FOXF1: variants seen among roughly 807,000 people sequenced by gnomAD.
FOXF1 encodes the protein forkhead box F1, also known as forkhead box protein F1.
A neutral mutation model predicts 26.6 loss-of-function variants in FOXF1; 9 were observed. That is an observed-to-expected ratio of 0.34 (90% CI 0.20 to 0.59). The LOEUF (loss-of-function observed/expected upper bound fraction) is 0.59. Among genes scored for constraint, FOXF1 ranks in the 20% least tolerant of loss-of-function variants. The pLI is 0.83. For missense variants in FOXF1, 499 were observed against 549.9 expected (o/e 0.91, Z 0.93); for synonymous variants, 330 against 257.7 (o/e 1.28, Z -2.69).
Position 86,510,563 on chromosome 16 carries a change from C to T in FOXF1, c.-7C>T. Reference sequence around the variant, plus strand: ...GCGGCAGCGGCGGCGGCGGCAGCAGCCACCCGATGTCTTCGGCGCCCGAGA... The same window carrying T: ...GCGGCAGCGGCGGCGGCGGCAGCAGTCACCCGATGTCTTCGGCGCCCGAGA... On this transcript the variant is annotated 5_prime_UTR_variant, in exon 1 of 2. Coordinates refer to ENST00000262426, the MANE Select transcript of FOXF1 (RefSeq NM_001451.3). The T allele has an allele frequency of 1.5e-6, 2 of 1,327,184 alleles. No individual in the cohort carries two copies. Among genetic ancestry groups the T allele is most frequent in the Admixed American group, 3.5e-5 (1 of 28,386 alleles). 82.2% of individuals were successfully genotyped at this position (1,327,184 alleles called of 1,614,324 possible).
chr16:86,510,603 C>CACGGCG lies in FOXF1; in HGVS notation c.35_40dup (p.Gly13_Gly14insAspGly). On this transcript the variant is annotated inframe_insertion, in exon 1 of 2. Transcript: ENST00000262426. ...GGCGCCCGAGAAGCAGCAGCCACCG[C>CACGGCG]ACGGCGGCGGCGGCGGCGGCGGCGG... The CACGGCG allele has an allele frequency of 7.2e-7, 1 of 1,389,164 alleles. No homozygotes were observed. The allele number at this position is 1,389,164 out of a possible 1,614,324, so 86.1% of individuals were successfully genotyped here.
chr16:86,511,595 T>G, intron 1 of FOXF1, 47 bp downstream of exon 1: 1 of 1,546,264 alleles, frequency 6.5e-7, no homozygotes. Flanking sequence ...AAGTCGAGTC[T>G]GAGTGGCAGC....
intron 1 of FOXF1, 72 bp downstream of exon 1, chr16:86,511,620 G>T: frequency 6.5e-7 from 1 of 1,535,038 alleles, no homozygotes; most frequent in Non-Finnish European, 8.7e-7. Flanking sequence ...CCCAGCTGGG[G>T]CGAGCCCCTC....
rs2143197051 is a variant in FOXF1, at chr16:86,514,734, C to A, written c.*1649C>A. On this transcript the variant is annotated 3_prime_UTR_variant, in exon 2 of 2. Transcript: ENST00000262426. Reference sequence around the variant, plus strand: ...TCATTGATCGTTTTAAAGAAATAAACTTTTAAAGAACACTATAGACCTCCT... The same window carrying A: ...TCATTGATCGTTTTAAAGAAATAAAATTTTAAAGAACACTATAGACCTCCT... The A allele has an allele frequency of 6.6e-6, 1 of 152,202 alleles. No homozygotes were observed. Among genetic ancestry groups the A allele is most frequent in the East Asian group, 1.9e-4 (1 of 5,186 alleles). The allele number at this position is 152,202 out of a possible 1,614,324, so 9.4% of individuals were successfully genotyped here. A position where few individuals can be genotyped will look rare whatever the true frequency, so the allele number is the denominator to read the frequency against.
chr16:86,514,618 T>C lies in FOXF1; in HGVS notation c.*1533T>C, dbSNP rs1567512674. The C allele has an allele frequency of 6.6e-6, 1 of 152,204 alleles. No individual in the cohort carries two copies. The highest frequency in any genetic ancestry group is 1.5e-5 in the Non-Finnish European group (1 of 68,040). 9.4% of individuals were successfully genotyped at this position (152,204 alleles called of 1,614,324 possible). A position where few individuals can be genotyped will look rare whatever the true frequency, so the allele number is the denominator to read the frequency against. On this transcript the variant is annotated 3_prime_UTR_variant, in exon 2 of 2. Coordinates refer to ENST00000262426, the MANE Select transcript of FOXF1 (RefSeq NM_001451.3). Reference sequence around the variant, plus strand: ...TTTTGGCAAATCCTCCTCTTTTCACTCTTCATTCCACTTTGAAGTAAACGC... The same window carrying C: ...TTTTGGCAAATCCTCCTCTTTTCACCCTTCATTCCACTTTGAAGTAAACGC...
At position 86,511,390 on chromosome 16, in the gene FOXF1, C is replaced by A; in HGVS notation, c.821C>A (p.Ala274Glu). The A allele has an allele frequency of 1.9e-6, 3 of 1,586,732 alleles. No homozygotes were observed. Among genetic ancestry groups the A allele is most frequent in the Non-Finnish European group, 2.6e-6 (3 of 1,174,922 alleles). The change falls in exon 1 of 2, where the codon GCG becomes GAG. Residue 274 changes from alanine to glutamate, a missense_variant. Transcript: ENST00000262426. ...TCGGCGGCGGCCTGGCCGCCCTCGG[C>A]GTCCGCGGCGCTCAACAGCGGCGCC... The part of the protein sequence containing the change: ...SGSAAAWPPS[A>E]SAALNSGASY...
Position 86,510,604 on chromosome 16 carries a change from ACGGCGG to A in FOXF1, c.54_59del (p.Gly22_Gly23del), listed in dbSNP as rs574179816. 37 of 1,378,738 alleles carry A rather than the reference ACGGCGG, an allele frequency of 2.7e-5. No individual in the cohort carries two copies. The highest frequency in any genetic ancestry group is 2.5e-4 in the Middle Eastern group (1 of 4,054). 85.4% of individuals were successfully genotyped at this position (1,378,738 alleles called of 1,614,324 possible). On this transcript the variant is annotated inframe_deletion, in exon 1 of 2. Transcript: ENST00000262426. The stretch of plus-strand genomic sequence containing the variant: ...GCGCCCGAGAAGCAGCAGCCACCGC[ACGGCGG>A]CGGCGGCGGCGGCGGCGGGGGAGGC...
Position 86,510,535 on chromosome 16 carries a change from GC to G in FOXF1, c.-34del. Reference sequence around the variant, plus strand: ...CCCGGCCCGTCCGCGGCGCAGAGCAGCGGCGGCAGCGGCGGCGGCGGCAGCA... The same window carrying G: ...CCCGGCCCGTCCGCGGCGCAGAGCAGGGCGGCAGCGGCGGCGGCGGCAGCA... On this transcript the variant is annotated 5_prime_UTR_variant, in exon 1 of 2. Coordinates refer to ENST00000262426, the MANE Select transcript of FOXF1 (RefSeq NM_001451.3). 1 of 1,290,922 alleles carries G rather than the reference GC, an allele frequency of 7.7e-7. No individual in the cohort carries two copies. The highest frequency in any genetic ancestry group is 9.8e-7 in the Non-Finnish European group (1 of 1,021,806). The allele number at this position is 1,290,922 out of a possible 1,614,324, so 80.0% of individuals were successfully genotyped here.
Position 86,513,075 on chromosome 16 carries a change from G to A in FOXF1, c.1130G>A (p.Cys377Tyr), listed in dbSNP as rs1310199167. ...GTCACCTACCAAGACATCAAGCCTT[G>A]CGTGATGTGAGGCTGCCGCCGCAGG... is the stretch of plus-strand genomic sequence containing the variant. ...QQVTYQDIKP[C>Y]VM The change falls in exon 2 of 2, where the codon TGC becomes TAC. Residue 377 changes from cysteine to tyrosine, a missense_variant. Transcript: ENST00000262426. 1.2e-6 allele frequency: 2 copies of A among 1,611,978 alleles called. No individual in the cohort carries two copies. Among genetic ancestry groups the A allele is most frequent in the South Asian group, 2.2e-5 (2 of 91,082 alleles).
chr16:86,512,530 G>A (rs776019251), intron 1 of FOXF1, among the ~76,000 whole-genome samples: 6 of 152,320 alleles, frequency 3.9e-5, no homozygotes, highest in Non-Finnish European at 7.4e-5. Flanking sequence ...CTTCAACCCC[G>A]CCGGCAGTCG....
rs1248174752 is a variant in FOXF1 at position 86,511,391 on chromosome 16, G to T, written c.822G>T (p.Ala274=). The T allele has an allele frequency of 6.3e-6, 10 of 1,587,168 alleles. No individual in the cohort carries two copies. The highest frequency in any genetic ancestry group is 8.5e-6 in the Non-Finnish European group (10 of 1,175,100). Residue 274 remains alanine (A), a synonymous_variant, in exon 1 of 2, where the codon GCG becomes GCT. Coordinates refer to ENST00000262426, the MANE Select transcript of FOXF1 (RefSeq NM_001451.3). ...CGGCGGCGGCCTGGCCGCCCTCGGC[G>T]TCCGCGGCGCTCAACAGCGGCGCCT... The part of the protein sequence containing the change: ...SGSAAAWPPS[A]SAALNSGASY...
chr16:86,512,028 G>A (rs1969574028), intron 1 of FOXF1, among the ~76,000 whole-genome samples: 1 of 152,192 alleles, frequency 6.6e-6, no homozygotes, highest in Non-Finnish European at 1.5e-5. Flanking sequence ...CTGGGCCAGC[G>A]CTCAGAGGCT....
At position 86,512,308 on chromosome 16, in the gene FOXF1, G is replaced by A. The variant is rs899513952; in HGVS notation, c.980-617G>A. Among the ~76,000 whole-genome samples the A allele has an allele frequency of 1.1e-4, 17 of 150,954 alleles. No individual in the cohort carries two copies. In the East Asian group the frequency reaches 2.5e-3, roughly 22 times the overall value. ...CTCCTGATTCTGCCCCAGGCCCCCC[G>A]CAGCCTGCAGGCCCAGCTCTGGAAA... On this transcript the variant is annotated intron_variant, in intron 1 of 1. Coordinates refer to ENST00000262426, the MANE Select transcript of FOXF1 (RefSeq NM_001451.3).
chr16:86,513,300 G>T lies in FOXF1; in HGVS notation c.*215G>T. 1 of 584,626 alleles carries T rather than the reference G, an allele frequency of 1.7e-6. No homozygotes were observed. The allele number at this position is 584,626 out of a possible 1,614,324, so 36.2% of individuals were successfully genotyped here. On this transcript the variant is annotated 3_prime_UTR_variant, in exon 2 of 2. Coordinates refer to ENST00000262426, the MANE Select transcript of FOXF1 (RefSeq NM_001451.3). ...CACTCCTTCAAAATTGTTAAGAAAT[G>T]TTAGTGGTGGGTCTGATCTGACTGC...
chr16:86,513,365 G>A lies in FOXF1; in HGVS notation c.*280G>A, dbSNP rs1403111759. ...AAAAGTTTTTGATCCTGTTGAACCC[G>A]CCTGAGACGGTGCTGTGCAGGGGAA... On this transcript the variant is annotated 3_prime_UTR_variant, in exon 2 of 2. Coordinates refer to ENST00000262426, the MANE Select transcript of FOXF1 (RefSeq NM_001451.3). 10 of 462,394 alleles carry A rather than the reference G, an allele frequency of 2.2e-5. No homozygotes were observed. The highest frequency in any genetic ancestry group is 6.4e-5 in the South Asian group (3 of 47,144). The allele number at this position is 462,394 out of a possible 1,614,324, so 28.6% of individuals were successfully genotyped here.
rs758297621 is a variant in FOXF1, at chr16:86,512,952, C to G, written c.1007C>G (p.Pro336Arg). 6.2e-7 allele frequency: 1 copy of G among 1,614,172 alleles called. No individual in the cohort carries two copies. The highest frequency in any genetic ancestry group is 2.2e-5 in the East Asian group (1 of 44,880). The change falls in exon 2 of 2, where the codon CCC (proline) becomes CGC (arginine). Residue 336 changes from proline to arginine, a missense_variant. Pro to Arg is a moderately radical substitution (Grantham distance 103, BLOSUM62 -2). Transcript: ENST00000262426. The part of the protein sequence containing the change: ...QGIPRYHSQS[P>R]SMCDRKEFVF... ...ATCCCGCGGTATCACTCGCAGTCGC[C>G]CAGCATGTGTGACCGAAAGGAGTTT...
chr16:86,513,121 G>C lies in FOXF1; in HGVS notation c.*36G>C. 6.2e-7 allele frequency: 1 copy of C among 1,603,632 alleles called. No individual in the cohort carries two copies. The highest frequency in any genetic ancestry group is 8.5e-7 in the Non-Finnish European group (1 of 1,177,972). On this transcript the variant is annotated 3_prime_UTR_variant, in exon 2 of 2. Coordinates refer to ENST00000262426, the MANE Select transcript of FOXF1 (RefSeq NM_001451.3). ...GCAGGCCCTCCTGGTGCAGGCAGGCGGGTCACAGGGACCCTGGACCGGCAC... is the reference window on the plus strand; with the variant it reads ...GCAGGCCCTCCTGGTGCAGGCAGGCCGGTCACAGGGACCCTGGACCGGCAC...
In FOXF1 at chr16:86,513,801, A is replaced by G. The variant is rs1375623940; in HGVS notation, c.*716A>G. On this transcript the variant is annotated 3_prime_UTR_variant, in exon 2 of 2. Coordinates refer to ENST00000262426, the MANE Select transcript of FOXF1 (RefSeq NM_001451.3). ...CGGGCGTCCGCCTCCGTCCCCTTCC[A>G]TGTTCCTCCTCTTCCTTCGCTTCAG... 2 of 152,318 alleles carry G rather than the reference A, an allele frequency of 1.3e-5. No homozygotes were observed. The highest frequency in any genetic ancestry group is 2.4e-5 in the African/African-American group (1 of 41,446). The allele number at this position is 152,318 out of a possible 1,614,324, so 9.4% of individuals were successfully genotyped here. A position where few individuals can be genotyped will look rare whatever the true frequency, so the allele number is the denominator to read the frequency against.
rs574179816 is a variant in FOXF1 at position 86,510,604 on chromosome 16, A to ACGGCGG, written c.54_59dup (p.Gly22_Gly23dup). Reference sequence around the variant, plus strand: ...GCGCCCGAGAAGCAGCAGCCACCGCACGGCGGCGGCGGCGGCGGCGGCGGG... The same window carrying ACGGCGG: ...GCGCCCGAGAAGCAGCAGCCACCGCACGGCGGCGGCGGCGGCGGCGGCGGCGGCGGG... On this transcript the variant is annotated inframe_insertion, in exon 1 of 2. Coordinates refer to ENST00000262426, the MANE Select transcript of FOXF1 (RefSeq NM_001451.3). 4.2e-5 allele frequency: 58 copies of ACGGCGG among 1,379,016 alleles called. No homozygotes were observed. The highest frequency in any genetic ancestry group is 1.9e-4 in the Admixed American group (5 of 26,810). 85.4% of individuals were successfully genotyped at this position (1,379,016 alleles called of 1,614,324 possible).
Sources: allele counts gnomAD v4.1 joint callset (sites outside exome capture counted in the v4.1 genomes callset), GRCh38; gene constraint gnomAD v4.1.1; transcripts MANE v1.5; gene names NCBI Gene and HGNC (gene_info 2026-07-23, HGNC 2026-07-21).